The following ZDHHC17 variants were observed in gnomAD, a reference collection of about 807,000 sequenced individuals.
ZDHHC17 encodes palmitoyltransferase ZDHHC17.
In ZDHHC17, 40 loss-of-function variants were observed where a neutral mutation model predicts 90.3. That is an observed-to-expected ratio of 0.44 (90% confidence interval 0.34 to 0.58). The LOEUF is 0.58. ZDHHC17 is among the 20% of genes least tolerant of loss of function. ZDHHC17 has a pLI of 0.01. For missense variants in ZDHHC17, 614 were observed against 780.8 expected (o/e 0.79, Z 2.55); for synonymous variants, 235 against 252.4 (o/e 0.93, Z 0.65).
chr12:76,834,498 C>A (rs987809596), intron 10 of ZDHHC17, among the ~76,000 whole-genome samples: 4 of 152,138 alleles, frequency 2.6e-5, no homozygotes, highest in African/African-American at 9.7e-5. Flanking sequence ...CCCTCTTAAG[C>A]ATTTTTTTCT....
chr12:76,775,919 T>G (rs887024584), intron 1 of ZDHHC17, among the ~76,000 whole-genome samples: 3 of 152,178 alleles, frequency 2.0e-5, no homozygotes, highest in Admixed American at 2.0e-4. Flanking sequence ...CATGAATAAA[T>G]TCTAGACAGT....
rs141006929 is a variant in ZDHHC17 at position 76,795,343 on chromosome 12, T to C, written c.94-2091T>C. Among the ~76,000 whole-genome samples, 6 of 152,168 alleles carry C rather than the reference T, an allele frequency of 3.9e-5. No individual in the cohort carries two copies. The East Asian group carries it at 1.2e-3, about 29-fold the overall frequency. On this transcript the variant is annotated intron_variant, in intron 1 of 16. Transcript: ENST00000426126. ...CGTTTTTTGACAACCTCTTTAACGT[T>C]GCACATGTCTTACCCTATCCTGGGT...
intron 9 of ZDHHC17, 36 bp from the exon 10 acceptor site, chr12:76,828,354 A>G (rs1362786230): frequency 1.3e-6 from 2 of 1,491,688 alleles, no homozygotes; most frequent in East Asian, 2.3e-5. Context: ...ACAATGAAAT[A>G]TAGAGCTCAT....
intron 14 of ZDHHC17, among the ~76,000 whole-genome samples, chr12:76,847,259 C>G (rs897030515): frequency 6.6e-6 from 1 of 152,200 alleles, no homozygotes; most frequent in Non-Finnish European, 1.5e-5. Flanking sequence ...GTGGATACGT[C>G]ACTTACGATG....
chr12:76,764,529 G>T (rs1470346927), intron 1 of ZDHHC17, 200 bp downstream of exon 1: 8 of 592,418 alleles, frequency 1.4e-5, no homozygotes, highest in African/African-American at 1.3e-4. Context: ...CGACCGGGGC[G>T]GGCTCTGGGA....
intron 12 of ZDHHC17, chr12:76,844,104 T>C (rs913241148): frequency 9.2e-5 from 14 of 152,210 alleles, no homozygotes; most frequent in African/African-American, 3.1e-4. Context: ...TGTGGAAATA[T>C]ACTGTTCCAC....
chr12:76,776,682 A>G (rs1340175706), intron 1 of ZDHHC17, among the ~76,000 whole-genome samples: 1 of 152,206 alleles, frequency 6.6e-6, no homozygotes, highest in African/African-American at 2.4e-5. Flanking sequence ...TAAAATTTAA[A>G]ATTCAGTTTT....
In ZDHHC17 at chr12:76,818,071, G is replaced by C. The variant is rs527968313; in HGVS notation, c.771+2052G>C. Among the ~76,000 whole-genome samples the C allele has an allele frequency of 1.3e-4, 20 of 152,072 alleles. No individual in the cohort carries two copies. The East Asian group carries it at 2.1e-3, about 16-fold the overall frequency. On this transcript the variant is annotated intron_variant, in intron 7 of 16. Transcript: ENST00000426126. ...TCACATGTAATAGAGGTTGGCTATT[G>C]ACAAAAAATTTTTCTCATGTAATTC...
intron 1 of ZDHHC17, among the ~76,000 whole-genome samples, chr12:76,796,856 G>T (rs1952825328): frequency 6.6e-6 from 1 of 152,190 alleles, no homozygotes; most frequent in Non-Finnish European, 1.5e-5. Context: ...GAGTTCTGTG[G>T]AGCTGAAGAT....
intron 13 of ZDHHC17, 38 bp from the exon 14 acceptor site, chr12:76,846,558 T>C: frequency 1.3e-6 from 2 of 1,561,680 alleles, no homozygotes; most frequent in Non-Finnish European, 1.8e-6. Flanking sequence ...GTTGTTTTTT[T>C]CTTAGCTGAA....
At chr12:76,797,032 A>G (rs1303694003) in intron 1 of ZDHHC17, among the ~76,000 whole-genome samples, 1 of 152,068 alleles carries the variant, frequency 6.6e-6, no homozygotes, top group Non-Finnish European at 1.5e-5. Flanking sequence ...TGGGAGGCCA[A>G]GGCGGGCGGA....
At chr12:76,818,637 C>G (rs184594489) in intron 7 of ZDHHC17, among the ~76,000 whole-genome samples, 1 of 152,252 alleles carries the variant, frequency 6.6e-6, no homozygotes, top group Non-Finnish European at 1.5e-5. Context: ...AAAAATTTTC[C>G]TTGTAGAGGA....
At chr12:76,840,415 A>T (rs1953419565) in intron 10 of ZDHHC17, 1 of 146,906 alleles carries the variant, frequency 6.8e-6, no homozygotes, top group Admixed American at 7.0e-5. Context: ...ATCTTGGCTC[A>T]CTGGAAACTC....
chr12:76,849,426 C>T lies in ZDHHC17; in HGVS notation c.1716C>T (p.Tyr572=), dbSNP rs756923231. The change falls in exon 16 of 17, where the codon TAC becomes TAT. Residue 572 remains tyrosine (Y), a synonymous_variant. Coordinates refer to ENST00000426126, the MANE Select transcript of ZDHHC17 (RefSeq NM_015336.4). ...TTNERMNARR[Y]KHFKVTTTSI... ...ATGAAAGAATGAATGCCAGGAGATACAAGCACTTTAAAGTCACAACAACGT... is the reference window on the plus strand; with the variant it reads ...ATGAAAGAATGAATGCCAGGAGATATAAGCACTTTAAAGTCACAACAACGT... The T allele has an allele frequency of 1.5e-5, 24 of 1,553,684 alleles. No homozygotes were observed. Among genetic ancestry groups the T allele is most frequent in the Non-Finnish European group, 2.0e-5 (23 of 1,147,928 alleles).
At chr12:76,816,194 A>G (rs1953085155) in intron 7 of ZDHHC17, among the ~76,000 whole-genome samples, 175 bp downstream of exon 7, 2 of 151,922 alleles carry the variant, frequency 1.3e-5, no homozygotes, top group African/African-American at 2.4e-5. Context: ...TGGTTATTTT[A>G]TTGTCTTATT....
chr12:76,817,484 A>G (rs1380420539), intron 7 of ZDHHC17, among the ~76,000 whole-genome samples: 1 of 152,116 alleles, frequency 6.6e-6, no homozygotes, highest in Non-Finnish European at 1.5e-5. Flanking sequence ...CCTTCTGCCA[A>G]TAGCCATATC....
chr12:76,793,204 C>G (rs1208549462), intron 1 of ZDHHC17, among the ~76,000 whole-genome samples: 1 of 152,166 alleles, frequency 6.6e-6, no homozygotes, highest in Non-Finnish European at 1.5e-5. Context: ...TATCTAAAAA[C>G]AAATAATGAA....
chr12:76,800,671 C>T (rs1157820482), intron 2 of ZDHHC17, among the ~76,000 whole-genome samples: 1 of 152,066 alleles, frequency 6.6e-6, no homozygotes, highest in Non-Finnish European at 1.5e-5. Flanking sequence ...CTCTTGCTCT[C>T]CTCTGGTTAC....
intron 1 of ZDHHC17, among the ~76,000 whole-genome samples, chr12:76,766,818 G>A (rs1224712033): frequency 2.0e-5 from 3 of 151,984 alleles, no homozygotes; most frequent in African/African-American, 4.8e-5. Context: ...CCAGGAGTTC[G>A]AGACCATCCT....
Sources: gnomAD v4.1 joint callset for allele counts (sites outside exome capture counted in the v4.1 genomes callset) on GRCh38, gnomAD v4.1.1 for gene constraint, MANE v1.5 for transcripts, NCBI Gene and HGNC (gene_info 2026-07-23, HGNC 2026-07-21) for gene names.